Variants in ACYP2 observed in about 807,000 individuals in gnomAD.
ACYP2 encodes acylphosphatase 2.
ACYP2 carries 12 observed loss-of-function variants against 11.2 expected under a neutral mutation model. That is an observed-to-expected ratio of 1.08 (90% CI 0.69 to 1.74). The LOEUF is 1.74. ACYP2 is among the 40% of genes most tolerant of loss of function. The pLI is 0.00. For synonymous variants in ACYP2, 43 were observed against 32.2 expected (o/e 1.33, Z -1.13); for missense variants, 134 against 101.9 (o/e 1.31, Z -1.35).
At chr2:54,140,181 G>A (rs373529479) in intron 6 of ACYP2, among the ~76,000 whole-genome samples, 8 of 152,064 alleles carry the variant, frequency 5.3e-5, no homozygotes, top group Non-Finnish European at 5.9e-5. Context: ...TGGGACTTTC[G>A]TTGTACAGAA....
chr2:54,170,685 T>G (rs981313649), intron 6 of ACYP2, among the ~76,000 whole-genome samples: 1 of 152,006 alleles, frequency 6.6e-6, no homozygotes, highest in Admixed American at 6.6e-5. Flanking sequence ...GACTTTGGGA[T>G]TGTAATATGA....
intron 1 of ACYP2, chr2:53,971,467 G>C (rs1390172419): frequency 6.6e-6 from 1 of 152,228 alleles, no homozygotes; most frequent in Non-Finnish European, 1.5e-5. Context: ...TCCCCTTTAA[G>C]TCCCCATCTT....
intron 6 of ACYP2, among the ~76,000 whole-genome samples, chr2:54,145,512 A>T (rs764578356): frequency 6.6e-6 from 1 of 152,008 alleles, no homozygotes; most frequent in African/African-American, 2.4e-5. Context: ...TTTCAAACAC[A>T]TACATGAATA....
rs1238837560 is a variant in ACYP2, at chr2:54,051,723, A to G, written c.155+673A>G. ...GAAAGCCTGATGCAGCAAAAAAAGG[A>G]ATCATCAAGGCTGAAAAAAGCAAGA... is the stretch of plus-strand genomic sequence containing the variant. On this transcript the variant is annotated intron_variant, in intron 3 of 6. Transcript: ENST00000607452. The G allele has an allele frequency of 5.1e-6, 3 of 585,676 alleles. No homozygotes were observed. In the Admixed American group the frequency reaches 7.2e-5, roughly 14 times the overall value. The allele number at this position is 585,676 out of a possible 1,614,324, so 36.3% of individuals were successfully genotyped here.
intron 4 of ACYP2, among the ~76,000 whole-genome samples, chr2:54,130,158 AT>A (rs1390962465): frequency 6.6e-6 from 1 of 152,198 alleles, no homozygotes; most frequent in Admixed American, 6.5e-5. Context: ...TGCAAGAAAC[AT>A]GGGGTGCATT....
At chr2:54,299,929 C>A (rs73933614) in intron 6 of ACYP2, among the ~76,000 whole-genome samples, 1,610 of 152,306 alleles carry the variant, frequency 0.011, 32 homozygotes, top group African/African-American at 0.036. Flanking sequence ...TTTCACAATT[C>A]CTTTAACATT....
intron 1 of ACYP2, among the ~76,000 whole-genome samples, chr2:53,972,178 C>G (rs1671174680): frequency 6.6e-6 from 1 of 150,980 alleles, no homozygotes; most frequent in Non-Finnish European, 1.5e-5. Context: ...GGCGTGGTGG[C>G]GGACGCCTGT....
intron 4 of ACYP2, among the ~76,000 whole-genome samples, chr2:54,064,010 T>C (rs1307541831): frequency 6.6e-6 from 1 of 152,166 alleles, no homozygotes; most frequent in Non-Finnish European, 1.5e-5. Context: ...TTTTCTTTTC[T>C]TTTCCTCTCT....
chr2:54,080,268 T>C (rs1437566046), intron 4 of ACYP2: 1 of 152,406 alleles, frequency 6.6e-6, no homozygotes, highest in Non-Finnish European at 1.5e-5. Flanking sequence ...GTTTCTTCTT[T>C]TCTTTGTCAT....
chr2:54,232,656 G>A (rs1346066352), intron 6 of ACYP2, among the ~76,000 whole-genome samples: 5 of 152,138 alleles, frequency 3.3e-5, no homozygotes, highest in Non-Finnish European at 7.4e-5. Flanking sequence ...AGGTTTAATT[G>A]ACTCACAGTT....
chr2:54,097,101 A>G (rs961451662), intron 4 of ACYP2, among the ~76,000 whole-genome samples: 1 of 152,238 alleles, frequency 6.6e-6, no homozygotes. Flanking sequence ...AAAAGGGTTT[A>G]TAATATCTTT....
At chr2:53,971,524 G>A (rs560460487) in intron 1 of ACYP2, among the ~76,000 whole-genome samples, 3 of 152,276 alleles carry the variant, frequency 2.0e-5, no homozygotes, top group African/African-American at 7.2e-5. Context: ...ATAGTTACTC[G>A]CTGAACAAAT....
chr2:54,192,260 T>C (rs902613099), intron 6 of ACYP2, among the ~76,000 whole-genome samples: 2 of 152,192 alleles, frequency 1.3e-5, no homozygotes, highest in Non-Finnish European at 2.9e-5. Context: ...CTTCTTTTTA[T>C]AGTGTTAGAA....
At chr2:54,059,747 G>T (rs1235343513) in intron 4 of ACYP2, among the ~76,000 whole-genome samples, 1 of 152,128 alleles carries the variant, frequency 6.6e-6, no homozygotes, top group Non-Finnish European at 1.5e-5. Context: ...ATTGTGCTGG[G>T]ACTCATCCTT....
intron 2 of ACYP2, among the ~76,000 whole-genome samples, chr2:53,995,313 A>G (rs1447935097): frequency 6.6e-6 from 1 of 152,170 alleles, no homozygotes; most frequent in Non-Finnish European, 1.5e-5. Flanking sequence ...CATCAGAGAA[A>G]AGATTTCAGC....
intron 4 of ACYP2, among the ~76,000 whole-genome samples, chr2:54,117,100 C>T (rs1427861584): frequency 2.0e-5 from 3 of 152,078 alleles, no homozygotes; most frequent in African/African-American, 7.2e-5. Flanking sequence ...GCGCAAAGAA[C>T]CGAGCATACT....
chr2:54,110,316 T>C (rs1330691210), intron 4 of ACYP2, among the ~76,000 whole-genome samples: 2 of 152,182 alleles, frequency 1.3e-5, no homozygotes, highest in African/African-American at 4.8e-5. Flanking sequence ...TGTATTTCAG[T>C]ACATGCCTCT....
chr2:54,072,607 G>T (rs1389747658), intron 4 of ACYP2, among the ~76,000 whole-genome samples: 1 of 141,962 alleles, frequency 7.0e-6, no homozygotes. Context: ...CTGTTGCCCA[G>T]GCTGGAGTGC....
intron 6 of ACYP2, among the ~76,000 whole-genome samples, chr2:54,282,053 T>C (rs1392063747): frequency 2.6e-5 from 4 of 152,226 alleles, no homozygotes; most frequent in Admixed American, 6.5e-5. Context: ...ATTTCATATG[T>C]TGTTATTCAT....
Sources: allele counts gnomAD v4.1 joint callset (sites outside exome capture counted in the v4.1 genomes callset), GRCh38; gene constraint gnomAD v4.1.1; transcripts MANE v1.5; gene names NCBI Gene and HGNC (gene_info 2026-07-23, HGNC 2026-07-21).